Variants in PHF2 observed in about 807,000 individuals in gnomAD.
PHF2 encodes PHD finger protein 2, also known as lysine-specific demethylase PHF2.
A neutral mutation model predicts 120.5 loss-of-function variants in PHF2; 27 were observed. The ratio of observed to expected loss-of-function variants is 0.22; its 90% CI spans 0.17 to 0.31. The LOEUF (loss-of-function observed/expected upper bound fraction) is 0.31. Ranked by LOEUF, PHF2 falls within the 10% of genes least tolerant of loss-of-function variation. PHF2 has a pLI of 1.00. For synonymous variants in PHF2, 568 were observed against 592.5 expected (o/e 0.96, Z 0.60); for missense variants, 1,024 against 1,434.8 (o/e 0.71, Z 4.63).
chr9:93,662,626 G>C (rs1376752112), intron 12 of PHF2, among the ~76,000 whole-genome samples: 1 of 152,064 alleles, frequency 6.6e-6, no homozygotes, highest in Non-Finnish European at 1.5e-5. Flanking sequence ...TGAGTGGATG[G>C]ATGGATTGGT....
At chr9:93,655,275 G>C in intron 7 of PHF2, among the ~76,000 whole-genome samples, 1 of 101,750 alleles carries the variant, frequency 9.8e-6, no homozygotes, top group East Asian at 3.3e-4. Context: ...TTATAGGGTT[G>C]GTTTTTTTTT....
At chr9:93,654,301 AGGCGGGAGTCGTGGACCTG>A in intron 6 of PHF2, 93 bp from the exon 7 acceptor site, 1 of 888,276 alleles carries the variant, frequency 1.1e-6, no homozygotes, top group South Asian at 1.6e-5. Context: ...TCAGTGTTGC[AGGCGGGAGTCGTGGACCTG>A]GGCAGGGTAC....
intron 12 of PHF2, among the ~76,000 whole-genome samples, chr9:93,662,303 TTGAG>T (rs987682576): frequency 1.9e-4 from 27 of 145,376 alleles, no homozygotes; most frequent in East Asian, 1.5e-3. Context: ...GGGTGGATGA[TTGAG>T]TGAGTGGATG....
intron 3 of PHF2, among the ~76,000 whole-genome samples, chr9:93,642,925 C>T (rs951014440): frequency 6.6e-5 from 10 of 152,190 alleles, no homozygotes; most frequent in Non-Finnish European, 1.3e-4. Flanking sequence ...CTATAAATTT[C>T]CTTTTCAATA....
intron 1 of PHF2, among the ~76,000 whole-genome samples, chr9:93,627,582 C>T (rs1280341144): frequency 1.4e-5 from 2 of 144,150 alleles, no homozygotes; most frequent in African/African-American, 5.2e-5. Flanking sequence ...CTATTTTCCT[C>T]CTCATCTTAT....
intron 6 of PHF2, among the ~76,000 whole-genome samples, chr9:93,653,899 G>A (rs931211486): frequency 5.3e-5 from 8 of 152,170 alleles, no homozygotes; most frequent in Admixed American, 1.3e-4. Flanking sequence ...ATCTGGGGGC[G>A]GGCAGGTGCA....
chr9:93,659,767 G>T (rs1826526553), intron 11 of PHF2, among the ~76,000 whole-genome samples, 167 bp downstream of exon 11: 1 of 152,208 alleles, frequency 6.6e-6, no homozygotes, highest in Non-Finnish European at 1.5e-5. Context: ...CCTTTGTGAG[G>T]GCTCAGGGTC....
chr9:93,666,208 T>C (rs1185819617), intron 16 of PHF2, 148 bp downstream of exon 16: 1 of 684,042 alleles, frequency 1.5e-6, no homozygotes, highest in African/African-American at 1.8e-5. Flanking sequence ...CACCCTTTCA[T>C]GAGTGTTCTA....
rs760820760 is a variant in PHF2 at position 93,630,066 on chromosome 9, C to A, written c.184+11C>A. 1 of 1,611,932 alleles carries A rather than the reference C, an allele frequency of 6.2e-7. No individual in the cohort carries two copies. The highest frequency in any genetic ancestry group is 8.5e-7 in the Non-Finnish European group (1 of 1,179,294). ...ATGGGAAGTCCACCTGTAAGTACCG[C>A]AGCCCAAGCGGCCATCTCTTGCGGA... is the stretch of plus-strand genomic sequence containing the variant. On this transcript the variant is annotated intron_variant, in intron 2 of 21. Transcript: ENST00000359246.
At chr9:93,653,468 C>T in intron 6 of PHF2, 103 bp downstream of exon 6, 1 of 1,185,828 alleles carries the variant, frequency 8.4e-7, no homozygotes, top group Non-Finnish European at 1.2e-6. Flanking sequence ...GATGCGACTC[C>T]CCAGAGGGCC....
At chr9:93,580,164 G>A (rs891646099) in intron 1 of PHF2, among the ~76,000 whole-genome samples, 8 of 152,182 alleles carry the variant, frequency 5.3e-5, no homozygotes, top group African/African-American at 1.4e-4. Context: ...CATCTTGACC[G>A]TGGCTCATCA....
chr9:93,595,546 G>A (rs1564374826), intron 1 of PHF2, among the ~76,000 whole-genome samples: 1 of 152,208 alleles, frequency 6.6e-6, no homozygotes, highest in African/African-American at 2.4e-5. Context: ...CCACTCATTG[G>A]CCCAAAGCTG....
intron 1 of PHF2, among the ~76,000 whole-genome samples, chr9:93,581,263 A>G (rs1423736179): frequency 6.6e-6 from 1 of 152,170 alleles, no homozygotes; most frequent in Non-Finnish European, 1.5e-5. Context: ...ACCTGGGAAC[A>G]CCAGGCGGGG....
At chr9:93,596,433 G>A (rs1825333953) in intron 1 of PHF2, among the ~76,000 whole-genome samples, 1 of 152,142 alleles carries the variant, frequency 6.6e-6, no homozygotes, top group Admixed American at 6.5e-5. Flanking sequence ...CAGCTGGTGT[G>A]TACTGTGATG....
chr9:93,630,322 G>A (rs1449743836), intron 2 of PHF2, among the ~76,000 whole-genome samples: 1 of 152,270 alleles, frequency 6.6e-6, no homozygotes, highest in Non-Finnish European at 1.5e-5. Flanking sequence ...GAGGCCTAGC[G>A]AGAGGCCAGG....
In PHF2 at chr9:93,675,665, C is replaced by T; in HGVS notation, c.2723-15C>T. On this transcript the variant is annotated splice_polypyrimidine_tract_variant and intron_variant, in intron 19 of 21. Coordinates refer to ENST00000359246, the MANE Select transcript of PHF2 (RefSeq NM_005392.4). Reference sequence around the variant, plus strand: ...TGGCCTACAGCTTGAGGGGGCTGGCCCTTCTTTTCCACAGCAAGGGTCGGC... The same window carrying T: ...TGGCCTACAGCTTGAGGGGGCTGGCTCTTCTTTTCCACAGCAAGGGTCGGC... The T allele has an allele frequency of 1.9e-6, 3 of 1,602,230 alleles. No individual in the cohort carries two copies. Among genetic ancestry groups the T allele is most frequent in the African/African-American group, 1.3e-5 (1 of 74,836 alleles).
chr9:93,605,063 C>T (rs10117225), intron 1 of PHF2, among the ~76,000 whole-genome samples: 54,124 of 151,952 alleles, frequency 0.36, 9,994 homozygotes, highest in Non-Finnish European at 0.4. Context: ...GTGAAAAGAT[C>T]GAGAGTTCCC....
chr9:93,648,680 A>G (rs1033449024), intron 4 of PHF2, among the ~76,000 whole-genome samples: 3 of 152,202 alleles, frequency 2.0e-5, no homozygotes, highest in Admixed American at 6.5e-5. Flanking sequence ...TACCCTAGAA[A>G]TGCAGGGGTT....
rs1388207362 is a variant in PHF2 at position 93,677,612 on chromosome 9, C to T, written c.3227C>T (p.Ala1076Val). The T allele has an allele frequency of 3.1e-6, 5 of 1,613,632 alleles. No individual in the cohort carries two copies. Among genetic ancestry groups the T allele is most frequent in the Non-Finnish European group, 4.2e-6 (5 of 1,179,890 alleles). ...GGAAAACGTACGAAAAAGGGCATGG[C>T]GACCGCCAAGCAGAGGCTTGGGAAA... The part of the protein sequence containing the change: ...AKGKRTKKGM[A>V]TAKQRLGKIL... The change falls in exon 22 of 22, where the codon GCG becomes GTG. Residue 1076 changes from alanine to valine, a missense_variant. Ala to Val is a moderately conservative substitution (Grantham distance 64). Coordinates refer to ENST00000359246, the MANE Select transcript of PHF2 (RefSeq NM_005392.4). This position sits in a 1 kb window ranked among gnomAD's most constrained non-coding sequence, Gnocchi z 4.4.
Sources: gnomAD v4.1 joint callset for allele counts (sites outside exome capture counted in the v4.1 genomes callset) on GRCh38, gnomAD v4.1.1 for gene constraint, Gnocchi (gnomAD v3.1) non-coding constraint, MANE v1.5 for transcripts, NCBI Gene and HGNC (gene_info 2026-07-23, HGNC 2026-07-21) for gene names.